The following MIER1 variants were observed in gnomAD, a reference collection of about 807,000 sequenced individuals.
MIER1 encodes mesoderm induction early response protein 1.
MIER1 carries 40 observed loss-of-function variants against 75.7 expected under a neutral mutation model. The ratio of observed to expected loss-of-function variants is 0.53; its 90% CI spans 0.41 to 0.69. The LOEUF is 0.69. Ranked by LOEUF, MIER1 falls within the 30% of genes least tolerant of loss-of-function variation. The pLI, the probability that MIER1 is intolerant of heterozygous loss-of-function variation, is 0.00. For synonymous variants in MIER1, 213 were observed against 223.4 expected (o/e 0.95, Z 0.42); for missense variants, 574 against 680.2 (o/e 0.84, Z 1.74).
At chr1:66,936,219 A>T (rs768652274) in intron 2 of MIER1, among the ~76,000 whole-genome samples, 9 of 151,924 alleles carry the variant, frequency 5.9e-5, no homozygotes, top group Middle Eastern at 3.4e-3. Context: ...GCTTTAGTTT[A>T]GTTTTGTTTT....
At chr1:66,925,316 G>C (rs3008859) in intron 1 of MIER1, 737,235 of 984,712 alleles carry the variant, frequency 0.75, 276,624 homozygotes, top group East Asian at 0.88. Flanking sequence ...TCTGGCCATC[G>C]ACTGCCTCCC....
chr1:66,974,694 C>G (rs1464823147), intron 11 of MIER1, among the ~76,000 whole-genome samples: 1 of 152,168 alleles, frequency 6.6e-6, no homozygotes, highest in East Asian at 1.9e-4. Flanking sequence ...TTAAATGTTA[C>G]AAGGTAGAAG....
intron 2 of MIER1, among the ~76,000 whole-genome samples, chr1:66,927,650 T>C (rs1393448671): frequency 2.0e-5 from 3 of 152,108 alleles, no homozygotes; most frequent in Non-Finnish European, 4.4e-5. Flanking sequence ...CTAAGGGTAA[T>C]GGATGGAAAC....
rs968521243 is a variant in MIER1, at chr1:66,985,795, A to G, written c.*895A>G. ...TATTTCTTATCCAGGTGGTTAAAGCATTCATAAAGGATTATAAAATTTTTT... is the reference window on the plus strand; with the variant it reads ...TATTTCTTATCCAGGTGGTTAAAGCGTTCATAAAGGATTATAAAATTTTTT... On this transcript the variant is annotated 3_prime_UTR_variant, in exon 14 of 14. Transcript: ENST00000401041. 2 of 888,646 alleles carry G rather than the reference A, an allele frequency of 2.3e-6. No individual in the cohort carries two copies. Among genetic ancestry groups the G allele is most frequent in the African/African-American group, 1.9e-5 (1 of 53,866 alleles). 55.0% of individuals were successfully genotyped at this position (888,646 alleles called of 1,614,324 possible). A position where few individuals can be genotyped will look rare whatever the true frequency, so the allele number is the denominator to read the frequency against.
intron 3 of MIER1, among the ~76,000 whole-genome samples, chr1:66,942,692 C>CAGAT (rs1292479278): frequency 2.6e-5 from 4 of 151,610 alleles, no homozygotes; most frequent in South Asian, 4.2e-4. Context: ...AAAAAGAAGT[C>CAGAT]AGATAGAACA....
chr1:66,945,498 G>T (rs1415482103), intron 3 of MIER1, among the ~76,000 whole-genome samples: 14 of 151,916 alleles, frequency 9.2e-5, no homozygotes, highest in Admixed American at 8.5e-4. Flanking sequence ...GGACATGGAG[G>T]GCTGACTCAC....
At chr1:66,977,869 A>G (rs1412931852) in intron 12 of MIER1, among the ~76,000 whole-genome samples, 1 of 152,172 alleles carries the variant, frequency 6.6e-6, no homozygotes, top group Non-Finnish European at 1.5e-5. Flanking sequence ...ACTCCAGTAA[A>G]GATGTTCTTA....
intron 3 of MIER1, among the ~76,000 whole-genome samples, chr1:66,941,986 AAC>A (rs1553243312): frequency 2.6e-5 from 4 of 151,580 alleles, no homozygotes; most frequent in African/African-American, 9.7e-5. Flanking sequence ...AAAAAAAAAA[AAC>A]AGTCTTTGAT....
chr1:66,930,247 C>T (rs1349231509), intron 2 of MIER1: 13 of 1,489,444 alleles, frequency 8.7e-6, no homozygotes, highest in Non-Finnish European at 1.2e-5. Context: ...GCTCGGGCGG[C>T]TCCTGCGCGT....
chr1:66,956,659 C>T (rs904170457), intron 4 of MIER1, among the ~76,000 whole-genome samples: 1 of 152,142 alleles, frequency 6.6e-6, no homozygotes, highest in African/African-American at 2.4e-5. Flanking sequence ...AGTGGCAATA[C>T]CTTGCCTTGA....
chr1:66,935,843 C>G (rs931586209), intron 2 of MIER1, among the ~76,000 whole-genome samples: 1 of 151,970 alleles, frequency 6.6e-6, no homozygotes, highest in Admixed American at 6.5e-5. Context: ...TCAACACAAA[C>G]AGATATCTCT....
chr1:66,953,612 T>C (rs867678950), intron 4 of MIER1, among the ~76,000 whole-genome samples: 2 of 149,530 alleles, frequency 1.3e-5, no homozygotes, highest in African/African-American at 5.0e-5. Context: ...TTTTTTTTTT[T>C]AATATTCTTG....
At chr1:66,974,187 C>T (rs2101924408) in intron 11 of MIER1, among the ~76,000 whole-genome samples, 1 of 151,918 alleles carries the variant, frequency 6.6e-6, no homozygotes. Flanking sequence ...TGGCAGTTTA[C>T]CGCAGATAAC....
At chr1:66,983,822 G>A (rs1271918218) in intron 13 of MIER1, among the ~76,000 whole-genome samples, 1 of 152,180 alleles carries the variant, frequency 6.6e-6, no homozygotes, top group Non-Finnish European at 1.5e-5. Context: ...CCGCCTCCTG[G>A]GTTCAAGTGA....
chr1:66,986,246 ATTAC>A lies in MIER1; in HGVS notation c.*1347_*1350del. ...TACACAATAATCATTGCTCTGTGTG[ATTAC>A]AGATAGGATTATCCATCTGCATAGC... On this transcript the variant is annotated 3_prime_UTR_variant, in exon 14 of 14. Transcript: ENST00000401041. 7.4e-7 allele frequency: 1 copy of A among 1,349,556 alleles called. No homozygotes were observed. Among genetic ancestry groups the A allele is most frequent in the Non-Finnish European group, 9.5e-7 (1 of 1,052,404 alleles). The allele number at this position is 1,349,556 out of a possible 1,614,324, so 83.6% of individuals were successfully genotyped here.
chr1:66,973,147 A>G (rs922691133), intron 11 of MIER1, among the ~76,000 whole-genome samples, 156 bp downstream of exon 11: 2 of 152,094 alleles, frequency 1.3e-5, no homozygotes, highest in African/African-American at 2.4e-5. Context: ...AAGGCTGCCT[A>G]TACTTCCTAA....
intron 5 of MIER1, 21 bp from the exon 6 acceptor site, chr1:66,958,830 A>G (rs1660680060): frequency 1.9e-6 from 3 of 1,581,970 alleles, no homozygotes; most frequent in South Asian, 1.2e-5. Context: ...TCTTAGAGAA[A>G]TTTAATTTAT....
intron 1 of MIER1, 59 bp from the exon 2 acceptor site, chr1:66,926,083 T>G: frequency 6.0e-6 from 8 of 1,330,884 alleles, no homozygotes; most frequent in Non-Finnish European, 8.7e-6. Flanking sequence ...GGGTGGATGG[T>G]GAGCTTGTAT....
chr1:66,930,483 A>G (rs1652917644), intron 2 of MIER1: 5 of 1,396,456 alleles, frequency 3.6e-6, no homozygotes, highest in Non-Finnish European at 4.9e-6. Context: ...GGGCCTGGCC[A>G]GGAGAGGCCC....
Sources: gnomAD v4.1 joint callset for allele counts (sites outside exome capture counted in the v4.1 genomes callset) on GRCh38, gnomAD v4.1.1 for gene constraint, MANE v1.5 for transcripts, NCBI Gene and HGNC (gene_info 2026-07-23, HGNC 2026-07-21) for gene names.